Variants in CCNT2 observed in about 807,000 individuals in gnomAD.
The protein encoded by CCNT2 is cyclin-T2.
CCNT2 carries 18 observed loss-of-function variants against 70.0 expected under a neutral mutation model. The observed-to-expected ratio is 0.26, with a 90% CI of 0.18 to 0.38. CCNT2 has a LOEUF of 0.38. Ranked by LOEUF, CCNT2 falls within the 10% of genes least tolerant of loss-of-function variation. The pLI, the probability that CCNT2 is intolerant of heterozygous loss-of-function variation, is 1.00. For missense variants in CCNT2, 734 were observed against 890.2 expected (o/e 0.82, Z 2.23); for synonymous variants, 334 against 313.3 (o/e 1.07, Z -0.70).
Position 134,949,848 on chromosome 2 carries a change from T to C in CCNT2, c.703+1949T>C, listed in dbSNP as rs549712989. On this transcript the variant is annotated intron_variant, in intron 7 of 8. Coordinates refer to ENST00000264157, the MANE Select transcript of CCNT2 (RefSeq NM_058241.3). ...AGTCTCAGTCGCCCAGGCTATAGAGTGCGGTGGCGCAATCTCGGCTCGCTG... is the reference window on the plus strand; with the variant it reads ...AGTCTCAGTCGCCCAGGCTATAGAGCGCGGTGGCGCAATCTCGGCTCGCTG... Among the ~76,000 whole-genome samples the C allele has an allele frequency of 2.2e-4, 32 of 148,260 alleles. 1 individual carries two copies. Among genetic ancestry groups the C allele is most frequent in the African/African-American group, 7.5e-4 (30 of 40,076 alleles).
chr2:134,947,633 G>A, intron 6 of CCNT2, 103 bp from the exon 7 acceptor site: 1 of 748,726 alleles, frequency 1.3e-6, no homozygotes, highest in Non-Finnish European at 2.0e-6. Context: ...TAGACTTAAA[G>A]ATAGAGTTTA....
chr2:134,939,103 C>G (rs761078441), intron 4 of CCNT2, 41 bp downstream of exon 4: 4 of 1,232,768 alleles, frequency 3.2e-6, no homozygotes, highest in Non-Finnish European at 4.7e-6. Context: ...GTGTGTATTT[C>G]ACTAAAGCAT....
intron 6 of CCNT2, among the ~76,000 whole-genome samples, chr2:134,946,865 T>C (rs2105073087): frequency 6.6e-6 from 1 of 152,310 alleles, no homozygotes; most frequent in African/African-American, 2.4e-5. Flanking sequence ...TTTGTCTTTT[T>C]GAGTGGATCA....
intron 2 of CCNT2, among the ~76,000 whole-genome samples, chr2:134,920,804 T>C (rs1195714499): frequency 1.3e-5 from 2 of 152,222 alleles, no homozygotes; most frequent in Non-Finnish European, 2.9e-5. Flanking sequence ...TTAGGACTTA[T>C]TTGCTAAGAA....
At chr2:134,932,066 C>A (rs959615496) in intron 2 of CCNT2, among the ~76,000 whole-genome samples, 1 of 151,778 alleles carries the variant, frequency 6.6e-6, no homozygotes, top group African/African-American at 2.4e-5. Flanking sequence ...CTCGCTGCAA[C>A]CTCCGCCTCC....
At chr2:134,919,441 C>T (rs979650032) in intron 1 of CCNT2, among the ~76,000 whole-genome samples, 1 of 152,118 alleles carries the variant, frequency 6.6e-6, no homozygotes, top group African/African-American at 2.4e-5. Flanking sequence ...GGCTTGATGG[C>T]GGCTCTCTTC....
At chr2:134,921,342 T>G (rs1679887793) in intron 2 of CCNT2, among the ~76,000 whole-genome samples, 1 of 147,126 alleles carries the variant, frequency 6.8e-6, no homozygotes, top group African/African-American at 2.5e-5. Flanking sequence ...CTTCACTTCT[T>G]TTATTTATTA....
chr2:134,921,680 C>G (rs967475421), intron 2 of CCNT2, among the ~76,000 whole-genome samples: 1 of 152,142 alleles, frequency 6.6e-6, no homozygotes, highest in Non-Finnish European at 1.5e-5. Context: ...TTTGAGCCCT[C>G]CTTATAATTT....
intron 3 of CCNT2, among the ~76,000 whole-genome samples, chr2:134,938,115 G>A (rs1032541882): frequency 3.3e-5 from 5 of 152,088 alleles, no homozygotes; most frequent in African/African-American, 7.2e-5. Context: ...TAAATAATAG[G>A]TTGTCATTAT....
At chr2:134,949,811 G>GGGGGGGGGGA (rs548269716) in intron 7 of CCNT2, among the ~76,000 whole-genome samples, 2 of 130,676 alleles carry the variant, frequency 1.5e-5, no homozygotes, top group African/African-American at 5.6e-5. Context: ...TCGGGGGGGG[G>GGGGGGGGGGA]GTGGGGGACA....
intron 5 of CCNT2, chr2:134,945,424 T>A (rs1681880751): frequency 1.0e-6 from 1 of 985,262 alleles, no homozygotes; most frequent in African/African-American, 1.7e-5. Context: ...TAATTAAAAA[T>A]TGCCTTTCTG....
rs1682913669 is a variant in CCNT2, at chr2:134,956,200, A to G, written c.*1552A>G. On this transcript the variant is annotated 3_prime_UTR_variant, in exon 9 of 9. Transcript: ENST00000264157. Reference sequence around the variant, plus strand: ...TTGTTACAAAGCCACTGATACGTGCACAATTGTAATTAAGTATGTTGCAGT... The same window carrying G: ...TTGTTACAAAGCCACTGATACGTGCGCAATTGTAATTAAGTATGTTGCAGT... 1.3e-5 allele frequency: 2 copies of G among 152,670 alleles called. No homozygotes were observed. The allele number at this position is 152,670 out of a possible 1,614,324, so 9.5% of individuals were successfully genotyped here.
At chr2:134,943,504 A>G in intron 5 of CCNT2, 1 of 985,012 alleles carries the variant, frequency 1.0e-6, no homozygotes, top group Non-Finnish European at 1.2e-6. Flanking sequence ...ACATTACTAA[A>G]AGTGGTTTCC....
At chr2:134,919,724 G>C in intron 1 of CCNT2, 86 bp from the exon 2 acceptor site, 2 of 1,085,546 alleles carry the variant, frequency 1.8e-6, no homozygotes, top group Non-Finnish European at 1.4e-6. Flanking sequence ...GGAGGTATTG[G>C]AAAAGAACCT....
rs537788078 is a variant in CCNT2, at chr2:134,941,280, A to G, written c.431-1332A>G. ...ACCCCTCTTCCTCAGCCTACTCTGTATGGAGACCTTTATGATGATCCACTT... is the reference window on the plus strand; with the variant it reads ...ACCCCTCTTCCTCAGCCTACTCTGTGTGGAGACCTTTATGATGATCCACTT... On this transcript the variant is annotated intron_variant, in intron 4 of 8. Transcript: ENST00000264157. 3.2e-4 allele frequency among the ~76,000 whole-genome samples: 48 copies of G among 152,302 alleles called. 1 individual carries two copies. Among genetic ancestry groups the G allele is most frequent in the Admixed American group, 2.8e-3 (43 of 15,294 alleles).
chr2:134,950,431 G>A (rs559503767), intron 7 of CCNT2, among the ~76,000 whole-genome samples: 25 of 152,266 alleles, frequency 1.6e-4, no homozygotes, highest in African/African-American at 6.0e-4. Context: ...TTGAGCACAG[G>A]AGTTTGAGCC....
intron 2 of CCNT2, among the ~76,000 whole-genome samples, chr2:134,929,313 A>G (rs373718538): frequency 4.6e-5 from 7 of 152,138 alleles, no homozygotes; most frequent in South Asian, 2.1e-4. Context: ...CACTACATCT[A>G]TGGAGATCTG....
intron 2 of CCNT2, among the ~76,000 whole-genome samples, chr2:134,921,624 G>A (rs569461507): frequency 6.6e-6 from 1 of 152,188 alleles, no homozygotes; most frequent in Non-Finnish European, 1.5e-5. Context: ...AAAGTGCTGG[G>A]ATTACAGGCA....
intron 5 of CCNT2, chr2:134,943,367 C>G (rs2105064738): frequency 1.1e-6 from 1 of 886,456 alleles, no homozygotes; most frequent in South Asian, 5.2e-5. Flanking sequence ...TGCCCCTGCA[C>G]TCTACCTTGG....
Sources: allele counts gnomAD v4.1 joint callset (sites outside exome capture counted in the v4.1 genomes callset), GRCh38; gene constraint gnomAD v4.1.1; transcripts MANE v1.5; gene names NCBI Gene and HGNC (gene_info 2026-07-23, HGNC 2026-07-21).